Variants in SNX14 observed in about 807,000 individuals in gnomAD.
The protein encoded by SNX14 is sorting nexin 14.
In SNX14, 93 loss-of-function variants were observed where a neutral mutation model predicts 133.8. The ratio of observed to expected loss-of-function variants is 0.70; its 90% CI spans 0.59 to 0.83. The LOEUF (loss-of-function observed/expected upper bound fraction) is 0.83. Among genes scored for constraint, SNX14 ranks in the 40% least tolerant of loss-of-function variants. The pLI is 0.00. For missense variants in SNX14, 945 were observed against 1,094.9 expected, an observed-to-expected ratio of 0.86 and a Z score of 1.93; for synonymous variants, 368 against 365.6, an observed-to-expected ratio of 1.01 and a Z score of -0.07.
In SNX14 at chr6:85,572,213, G is replaced by C. The variant is rs781555389; in HGVS notation, c.341C>G (p.Pro114Arg). The C allele has an allele frequency of 1.9e-6, 3 of 1,613,430 alleles. No homozygotes were observed. The South Asian group carries it at 3.3e-5, about 18-fold the overall frequency. ...CGKVKCKRHR[P>R]SLLLENYQPW... ...CTGGTAGTTTTCAAGTAGCAAAGAAGGCCTAAAGAAAAATTATACAACTAA... is the reference window on the plus strand; with the variant it reads ...CTGGTAGTTTTCAAGTAGCAAAGAACGCCTAAAGAAAAATTATACAACTAA... Residue 114 changes from proline (P) to arginine (R), a missense_variant and splice_region_variant, in exon 4 of 29, where the codon CCT (proline) becomes CGT (arginine). Pro to Arg is a moderately radical substitution (Grantham distance 103). Transcript: ENST00000314673.
At chr6:85,585,361 G>C (rs890719027) in intron 1 of SNX14, among the ~76,000 whole-genome samples, 1 of 151,750 alleles carries the variant, frequency 6.6e-6, no homozygotes, top group Non-Finnish European at 1.5e-5. Context: ...TTCTGCACAT[G>C]TATCCCAGAA....
At chr6:85,557,412 A>G (rs1790131389) in intron 7 of SNX14, among the ~76,000 whole-genome samples, 1 of 152,238 alleles carries the variant, frequency 6.6e-6, no homozygotes, top group African/African-American at 2.4e-5. Context: ...CATTTAATGA[A>G]CATATGCTAT....
At chr6:85,553,758 C>G (rs1473193916) in intron 7 of SNX14, among the ~76,000 whole-genome samples, 1 of 150,694 alleles carries the variant, frequency 6.6e-6, no homozygotes, top group Non-Finnish European at 1.5e-5. Context: ...TGCACTCCAG[C>G]CTCGGCGACA....
chr6:85,577,137 G>C (rs1797588624), intron 1 of SNX14, among the ~76,000 whole-genome samples: 1 of 152,150 alleles, frequency 6.6e-6, no homozygotes, highest in South Asian at 2.1e-4. Context: ...GAAGGAGCCA[G>C]GTACAGTAGC....
chr6:85,519,371 C>T lies in SNX14; in HGVS notation c.2108-1323G>A, dbSNP rs149308683. Among the ~76,000 whole-genome samples the T allele has an allele frequency of 2.1e-3, 325 of 152,324 alleles. 2 individuals carry two copies. The highest frequency in any genetic ancestry group is 7.3e-3 in the African/African-American group (304 of 41,570). Reference sequence around the variant, plus strand: ...TTAGAGGCTAGTCAGGGTGGCTCCACGCCTGTAAGTCCAACAATTTGGGAA... The same window carrying T: ...TTAGAGGCTAGTCAGGGTGGCTCCATGCCTGTAAGTCCAACAATTTGGGAA... On this transcript the variant is annotated intron_variant, in intron 21 of 28. Transcript: ENST00000314673.
chr6:85,543,147 A>G, intron 14 of SNX14, 35 bp downstream of exon 14: 1 of 1,484,936 alleles, frequency 6.7e-7, no homozygotes. Flanking sequence ...AATTATGTAT[A>G]AAAATCCTCA....
intron 18 of SNX14, among the ~76,000 whole-genome samples, chr6:85,531,409 C>T (rs1007759511): frequency 6.6e-6 from 1 of 152,194 alleles, no homozygotes; most frequent in Non-Finnish European, 1.5e-5. Flanking sequence ...TAACATCTAA[C>T]ATCAATCTAC....
At chr6:85,584,794 G>A (rs1381927106) in intron 1 of SNX14, among the ~76,000 whole-genome samples, 1 of 152,198 alleles carries the variant, frequency 6.6e-6, no homozygotes, top group Non-Finnish European at 1.5e-5. Flanking sequence ...CTTTTACACT[G>A]TTGGTGGGAG....
At position 85,533,692 on chromosome 6, in the gene SNX14, C is replaced by T. The variant is rs753613129; in HGVS notation, c.1717G>A (p.Asp573Asn). ...AAWKISIPYV[D>N]FFEDPSSERK... ...TCAGAGGAGGGATCCTCAAAAAAGT[C>T]TACATATGGAATGCTAATTTTCCAT... Residue 573 changes from aspartate to asparagine, a missense_variant, in exon 18 of 29, where the codon GAC becomes AAC. Physicochemically the swap from Asp to Asn is conservative, Grantham distance 23 (BLOSUM62 1). Coordinates refer to ENST00000314673, the MANE Select transcript of SNX14 (RefSeq NM_153816.6). 1 of 1,613,886 alleles carries T rather than the reference C, an allele frequency of 6.2e-7. No homozygotes were observed. Among genetic ancestry groups the T allele is most frequent in the Non-Finnish European group, 8.5e-7 (1 of 1,180,008 alleles).
At chr6:85,546,266 A>T (rs1158402016) in intron 12 of SNX14, among the ~76,000 whole-genome samples, 1 of 152,238 alleles carries the variant, frequency 6.6e-6, no homozygotes, top group East Asian at 1.9e-4. Flanking sequence ...ATGTACACAC[A>T]TGCAAAACTG....
intron 17 of SNX14, among the ~76,000 whole-genome samples, chr6:85,535,997 C>T (rs894810919): frequency 2.0e-5 from 3 of 152,022 alleles, no homozygotes; most frequent in Middle Eastern, 3.2e-3. Context: ...ATAAAAAGTA[C>T]AAATGAGACA....
At chr6:85,578,370 G>A (rs1355193172) in intron 1 of SNX14, among the ~76,000 whole-genome samples, 1 of 152,162 alleles carries the variant, frequency 6.6e-6, no homozygotes, top group African/African-American at 2.4e-5. Context: ...AAGGTAGCAT[G>A]ACAGAGAGTA....
At chr6:85,543,902 T>C in intron 12 of SNX14, 142 bp from the exon 13 acceptor site, 1 of 389,704 alleles carries the variant, frequency 2.6e-6, no homozygotes, top group Non-Finnish European at 4.2e-6. Context: ...AAAAAATATT[T>C]GAGAATAAAA....
intron 12 of SNX14, among the ~76,000 whole-genome samples, chr6:85,544,051 T>C (rs1036754408): frequency 6.6e-6 from 1 of 152,110 alleles, no homozygotes; most frequent in African/African-American, 2.4e-5. Context: ...TTAAAGAATA[T>C]TGAATTTATT....
chr6:85,575,133 G>A (rs2128205890), intron 1 of SNX14, among the ~76,000 whole-genome samples: 1 of 152,064 alleles, frequency 6.6e-6, no homozygotes, highest in Non-Finnish European at 1.5e-5. Context: ...GCCTTAAGAT[G>A]AATCTAAAAG....
chr6:85,579,687 T>C (rs1470912105), intron 1 of SNX14, among the ~76,000 whole-genome samples: 1 of 152,090 alleles, frequency 6.6e-6, no homozygotes, highest in Non-Finnish European at 1.5e-5. Flanking sequence ...CAAAAAGAGG[T>C]CATTTACACA....
chr6:85,585,263 C>T (rs1351645063), intron 1 of SNX14, among the ~76,000 whole-genome samples: 3 of 151,914 alleles, frequency 2.0e-5, no homozygotes, highest in African/African-American at 7.3e-5. Context: ...GGAGGGATAG[C>T]ATTAGGAGAA....
intron 1 of SNX14, among the ~76,000 whole-genome samples, chr6:85,585,950 T>C (rs1800686515): frequency 6.9e-6 from 1 of 144,364 alleles, no homozygotes; most frequent in South Asian, 2.1e-4. Flanking sequence ...GGAATGTACA[T>C]GGCATCACTA....
intron 1 of SNX14, among the ~76,000 whole-genome samples, chr6:85,585,855 T>C (rs532255992): frequency 6.6e-6 from 1 of 152,110 alleles, no homozygotes; most frequent in African/African-American, 2.4e-5. Flanking sequence ...AGAGTAAGTT[T>C]GTTGGACACA....
Sources: allele counts gnomAD v4.1 joint callset (sites outside exome capture counted in the v4.1 genomes callset), GRCh38; gene constraint gnomAD v4.1.1; transcripts MANE v1.5; gene names NCBI Gene and HGNC (gene_info 2026-07-23, HGNC 2026-07-21).